Variants in PIEZO2 observed in about 807,000 individuals in gnomAD.
The protein encoded by PIEZO2 is piezo-type mechanosensitive ion channel component 2.
PIEZO2 carries 172 observed loss-of-function variants against 337.3 expected under a neutral mutation model. That is an observed-to-expected ratio of 0.51 (90% CI 0.45 to 0.58). The LOEUF is 0.58. Ranked by LOEUF, PIEZO2 falls within the 20% of genes least tolerant of loss-of-function variation. The pLI is 0.00. For missense variants in PIEZO2, 3,028 were observed against 3,391.3 expected, an observed-to-expected ratio of 0.89 and a Z score of 2.66; for synonymous variants, 1,251 against 1,228.5, an observed-to-expected ratio of 1.02 and a Z score of -0.38.
Position 11,125,402 on chromosome 18 carries a change from C to T in PIEZO2, c.64+23123G>A, listed in dbSNP as rs2040155700. On this transcript the variant is annotated intron_variant, in intron 1 of 55. Coordinates refer to ENST00000674853, the MANE Select transcript of PIEZO2 (RefSeq NM_001378183.1). The surrounding 1 kb of genome is among the most constrained non-coding windows in gnomAD (Gnocchi z 4.4). Reference sequence around the variant, plus strand: ...AGCAATTTTAAAATCCAACTTTTGCCATTATCTGAAGATACTTGAGAAAGG... The same window carrying T: ...AGCAATTTTAAAATCCAACTTTTGCTATTATCTGAAGATACTTGAGAAAGG... Among the ~76,000 whole-genome samples, 2 of 152,186 alleles carry T rather than the reference C, an allele frequency of 1.3e-5. No homozygotes were observed. The highest frequency in any genetic ancestry group is 4.8e-5 in the African/African-American group (2 of 41,452).
At chr18:11,086,533 G>T (rs1455443567) in intron 1 of PIEZO2, among the ~76,000 whole-genome samples, 1 of 151,870 alleles carries the variant, frequency 6.6e-6, no homozygotes, top group African/African-American at 2.4e-5. Context: ...AAAAAAAAAG[G>T]TTCTTTAAGT....
Position 10,671,266 on chromosome 18 carries a change from C to T in PIEZO2, c.*261G>A. 3.2e-6 allele frequency: 1 copy of T among 317,064 alleles called. No individual in the cohort carries two copies. The highest frequency in any genetic ancestry group is 5.8e-6 in the Non-Finnish European group (1 of 171,616). The allele number at this position is 317,064 out of a possible 1,614,324, so 19.6% of individuals were successfully genotyped here. A position where few individuals can be genotyped will look rare whatever the true frequency, so the allele number is the denominator to read the frequency against. ...TAAATGATTCCTTCACATGATCAAT[C>T]AGAATGCGAGACACTGTTGACTAAA... On this transcript the variant is annotated 3_prime_UTR_variant, in exon 56 of 56. Transcript: ENST00000674853.
intron 2 of PIEZO2, among the ~76,000 whole-genome samples, chr18:10,999,689 A>G (rs1383121610): frequency 6.6e-6 from 1 of 152,218 alleles, no homozygotes; most frequent in East Asian, 1.9e-4. Flanking sequence ...CTAAGAGACA[A>G]CTGTACTCTG....
chr18:11,053,130 A>C (rs1391443711), intron 2 of PIEZO2, among the ~76,000 whole-genome samples: 2 of 152,210 alleles, frequency 1.3e-5, no homozygotes, highest in African/African-American at 2.4e-5. Context: ...AGCTCCCTTA[A>C]ACGTGTGTTG....
intron 2 of PIEZO2, among the ~76,000 whole-genome samples, chr18:11,062,573 A>G (rs1394839741): frequency 6.6e-6 from 1 of 152,214 alleles, no homozygotes; most frequent in Non-Finnish European, 1.5e-5. Context: ...GAAAAAAACA[A>G]ACAACCCCAT....
Position 11,146,015 on chromosome 18 carries a change from TCACA to T in PIEZO2, c.64+2506_64+2509del, listed in dbSNP as rs1388267251. 1.3e-5 allele frequency among the ~76,000 whole-genome samples: 2 copies of T among 152,094 alleles called. No homozygotes were observed. Among genetic ancestry groups the T allele is most frequent in the Non-Finnish European group, 2.9e-5 (2 of 68,026 alleles). ...ACCCCCTACACACTCATACTCACAC[TCACA>T]CATACTCATAACACATGTGCACACT... On this transcript the variant is annotated intron_variant, in intron 1 of 55. Transcript: ENST00000674853. The surrounding 1 kb of genome is among the most constrained non-coding windows in gnomAD (Gnocchi z 6.1).
Position 10,929,090 on chromosome 18 carries a change from A to G in PIEZO2, c.287-17862T>C, listed in dbSNP as rs182314454. ...AGGTTTTGGCTGACTGTGGTCTCCC[A>G]GCTGCTGTTGTAAAGGTATCCATGC... On this transcript the variant is annotated intron_variant, in intron 3 of 55. Transcript: ENST00000674853. The surrounding 1 kb of genome is among the most constrained non-coding windows in gnomAD (Gnocchi z 5.6). Among the ~76,000 whole-genome samples, 211 of 152,348 alleles carry G rather than the reference A, an allele frequency of 1.4e-3. 1 individual carries two copies. Among genetic ancestry groups the G allele is most frequent in the Admixed American group, 7.9e-3 (121 of 15,312 alleles).
intron 15 of PIEZO2, among the ~76,000 whole-genome samples, chr18:10,787,592 A>G (rs968317486): frequency 1.5e-4 from 23 of 152,208 alleles, no homozygotes; most frequent in Non-Finnish European, 3.2e-4. Context: ...TGAAAGCAAT[A>G]TTGTATGAAT....
At position 10,759,649 on chromosome 18, in the gene PIEZO2, C is replaced by A; in HGVS notation, c.3655+56G>T. ...TCTTCACCACTCTTCTCCCAGCCGT[C>A]CGCTCAGTAATGGCTTCTTCTAAAA... On this transcript the variant is annotated intron_variant, in intron 25 of 55. Transcript: ENST00000674853. The surrounding 1 kb of genome is among the most constrained non-coding windows in gnomAD (Gnocchi z 5.5). 6.5e-7 allele frequency: 1 copy of A among 1,535,778 alleles called. No homozygotes were observed. Among genetic ancestry groups the A allele is most frequent in the South Asian group, 1.2e-5 (1 of 84,018 alleles).
chr18:10,909,171 AT>A (rs1204169702), intron 4 of PIEZO2, among the ~76,000 whole-genome samples: 2 of 152,220 alleles, frequency 1.3e-5, no homozygotes, highest in African/African-American at 4.8e-5. Flanking sequence ...CAACACATAT[AT>A]GTTCCCAGAG....
At chr18:11,015,603 A>G (rs1448839986) in intron 2 of PIEZO2, among the ~76,000 whole-genome samples, 1 of 152,176 alleles carries the variant, frequency 6.6e-6, no homozygotes, top group African/African-American at 2.4e-5. Flanking sequence ...CTTGATAATC[A>G]GTGCCAAGGT....
chr18:10,758,065 A>T lies in PIEZO2; in HGVS notation c.3827T>A (p.Val1276Glu). The T allele has an allele frequency of 6.5e-7, 1 of 1,537,526 alleles. No homozygotes were observed. The highest frequency in any genetic ancestry group is 1.2e-5 in the South Asian group (1 of 84,064). The change falls in exon 27 of 56, where the codon GTG becomes GAG. Residue 1276 changes from valine (V) to glutamate (E), a missense_variant. Transcript: ENST00000674853. ...GACATTGTCACCTGCCATGATTCGC[A>T]CTGCAGCCTTGTTCTCATCCTCAAA... ...QIFEDENKAAVRIMAGDNVEI... is the reference protein window; with the variant it reads ...QIFEDENKAAERIMAGDNVEI...
Position 10,801,488 on chromosome 18 carries a change from A to G in PIEZO2, c.1201-60T>C, listed in dbSNP as rs1403792770. 7 of 1,412,650 alleles carry G rather than the reference A, an allele frequency of 5.0e-6. No homozygotes were observed. The East Asian group carries it at 1.2e-4, about 25-fold the overall frequency. The allele number at this position is 1,412,650 out of a possible 1,614,324, so 87.5% of individuals were successfully genotyped here. On this transcript the variant is annotated intron_variant, in intron 9 of 55. Transcript: ENST00000674853. ...GGAAGCTGAAAGCATTTTACTGTTT[A>G]TGTATCTATAAAGTTTTACTGTGCA...
intron 2 of PIEZO2, among the ~76,000 whole-genome samples, chr18:11,060,344 AG>A (rs1448307723): frequency 6.6e-6 from 1 of 152,226 alleles, no homozygotes; most frequent in African/African-American, 2.4e-5. Context: ...CACAATTAAA[AG>A]AACTAGAGAA....
rs2038985337 is a variant in PIEZO2 at position 10,781,579 on chromosome 18, A to G, written c.2493-1213T>C. The stretch of plus-strand genomic sequence containing the variant: ...ATACGTTATAATTCTTATAATATGA[A>G]ATTCTATCAATATATAGGTGAAATA... On this transcript the variant is annotated intron_variant, in intron 17 of 55. Transcript: ENST00000674853. This position sits in a 1 kb window ranked among gnomAD's most constrained non-coding sequence, Gnocchi z 4.1. Among the ~76,000 whole-genome samples, 1 of 152,094 alleles carries G rather than the reference A, an allele frequency of 6.6e-6. No individual in the cohort carries two copies. The highest frequency in any genetic ancestry group is 1.5e-5 in the Non-Finnish European group (1 of 68,018).
At position 11,126,158 on chromosome 18, in the gene PIEZO2, G is replaced by A. The variant is rs116949090; in HGVS notation, c.64+22367C>T. On this transcript the variant is annotated intron_variant, in intron 1 of 55. Transcript: ENST00000674853. This position sits in a 1 kb window ranked among gnomAD's most constrained non-coding sequence, Gnocchi z 4.6. ...AGGTAGCTGAGCCATATGCTCCCCCGCATAGAGACTGGTTGCTTTGGTTTA... is the reference window on the plus strand; with the variant it reads ...AGGTAGCTGAGCCATATGCTCCCCCACATAGAGACTGGTTGCTTTGGTTTA... Among the ~76,000 whole-genome samples, 3,091 of 152,260 alleles carry A rather than the reference G, an allele frequency of 0.02. 36 individuals carry two copies. Among genetic ancestry groups the A allele is most frequent in the Non-Finnish European group, 0.033 (2,233 of 67,996 alleles).
chr18:11,149,516 G>C lies in PIEZO2; in HGVS notation c.-928C>G, dbSNP rs370114028. On this transcript the variant is annotated 5_prime_UTR_variant, in exon 1 of 56. Transcript: ENST00000674853. This position sits in a 1 kb window ranked among gnomAD's most constrained non-coding sequence, Gnocchi z 8.7. ...CCACCGCCTGCCGCCTTGCAGCCTC[G>C]CCCTCGCGGCGCAGCCGGGGCTCCC... 4.6e-5 allele frequency among the ~76,000 whole-genome samples: 7 copies of C among 152,022 alleles called. No homozygotes were observed. In the South Asian group the frequency reaches 6.2e-4, roughly 14 times the overall value.
rs371961864 is a variant in PIEZO2 at position 10,745,873 on chromosome 18, C to G, written c.4425-1642G>C. Among the ~76,000 whole-genome samples, 36 of 152,236 alleles carry G rather than the reference C, an allele frequency of 2.4e-4. 2 individuals are homozygous for G. The highest frequency in any genetic ancestry group is 8.7e-4 in the African/African-American group (36 of 41,520). ...GCTGAGTTTCATGTGCCCATGAGACCTACAACTCCACAACTGCGGTCAGTC... is the reference window on the plus strand; with the variant it reads ...GCTGAGTTTCATGTGCCCATGAGACGTACAACTCCACAACTGCGGTCAGTC... On this transcript the variant is annotated intron_variant, in intron 30 of 55. Coordinates refer to ENST00000674853, the MANE Select transcript of PIEZO2 (RefSeq NM_001378183.1).
chr18:10,949,823 C>G (rs2033205596), intron 3 of PIEZO2, among the ~76,000 whole-genome samples: 1 of 152,188 alleles, frequency 6.6e-6, no homozygotes, highest in Admixed American at 6.5e-5. Flanking sequence ...TGATGCCTCT[C>G]CTATTTCTCA....
Sources: allele counts gnomAD v4.1 joint callset (sites outside exome capture counted in the v4.1 genomes callset), GRCh38; gene constraint gnomAD v4.1.1; non-coding constraint Gnocchi (gnomAD v3.1); transcripts MANE v1.5; gene names NCBI Gene and HGNC (gene_info 2026-07-23, HGNC 2026-07-21).